C1orf74: variants seen among roughly 807,000 people sequenced by gnomAD.
The protein encoded by C1orf74 is UPF0739 protein C1orf74.
C1orf74 carries 5 observed loss-of-function variants against 7.3 expected under a neutral mutation model. That is an observed-to-expected ratio of 0.68 (90% confidence interval 0.36 to 1.44). The LOEUF (loss-of-function observed/expected upper bound fraction) is 1.44, where lower values mean the gene tolerates loss of function less well. Among genes scored for constraint, C1orf74 ranks in the 40% most tolerant of loss-of-function variants. The pLI, the probability that C1orf74 is intolerant of heterozygous loss-of-function variation, is 0.04. For synonymous variants in C1orf74, 121 were observed against 132.5 expected (o/e 0.91, Z 0.59); for missense variants, 291 against 314.3 (o/e 0.93, Z 0.56).
Position 209,779,747 on chromosome 1 carries a change from T to A in C1orf74, c.*3078A>T, listed in dbSNP as rs912789582. On this transcript the variant is annotated 3_prime_UTR_variant, in exon 2 of 2. Transcript: ENST00000294811. ...ATAGCAGTCCAGAGTCAACTCACTG[T>A]TAGCCCTAGAGAGTCTACTGTCCAT... 1.8e-5 allele frequency: 10 copies of A among 554,716 alleles called. No individual in the cohort carries two copies. The highest frequency in any genetic ancestry group is 3.8e-5 in the African/African-American group (2 of 53,036). The allele number at this position is 554,716 out of a possible 1,614,324, so 34.4% of individuals were successfully genotyped here.
At position 209,779,269 on chromosome 1, in the gene C1orf74, G is replaced by A; in HGVS notation, c.*3556C>T. 1.3e-6 allele frequency: 2 copies of A among 1,552,050 alleles called. No individual in the cohort carries two copies. Among genetic ancestry groups the A allele is most frequent in the East Asian group, 2.2e-5 (1 of 44,554 alleles). On this transcript the variant is annotated 3_prime_UTR_variant, in exon 2 of 2. Coordinates refer to ENST00000294811, the MANE Select transcript of C1orf74 (RefSeq NM_152485.4). The stretch of plus-strand genomic sequence containing the variant: ...CAAAGTTCTGAAAAGAAAACTTTTT[G>A]TAGTAAATATGCTAGCATAGACAAG...
In C1orf74 at chr1:209,780,861, T is replaced by A. The variant is rs1020916594; in HGVS notation, c.*1964A>T. 4 of 249,146 alleles carry A rather than the reference T, an allele frequency of 1.6e-5. No homozygotes were observed. In the South Asian group the frequency reaches 4.0e-4, roughly 25 times the overall value. 15.4% of individuals were successfully genotyped at this position (249,146 alleles called of 1,614,324 possible). On this transcript the variant is annotated 3_prime_UTR_variant, in exon 2 of 2. Coordinates refer to ENST00000294811, the MANE Select transcript of C1orf74 (RefSeq NM_152485.4). ...TCGACCAAAACTCAAACACATTTAA[T>A]AAAAATATTAACTTCTCAATATGTC...
chr1:209,781,997 C>A lies in C1orf74; in HGVS notation c.*828G>T. The stretch of plus-strand genomic sequence containing the variant: ...AGAGTAGGAAGAAGAAAGATTTTTG[C>A]CTATATCTTTTCCAATCCACTCATG... On this transcript the variant is annotated 3_prime_UTR_variant, in exon 2 of 2. Transcript: ENST00000294811. 7.2e-7 allele frequency: 1 copy of A among 1,398,244 alleles called. No homozygotes were observed. The highest frequency in any genetic ancestry group is 1.0e-6 in the Non-Finnish European group (1 of 984,444). 86.6% of individuals were successfully genotyped at this position (1,398,244 alleles called of 1,614,324 possible). A position where few individuals can be genotyped will look rare whatever the true frequency, so the allele number is the denominator to read the frequency against.
chr1:209,782,887 T>G lies in C1orf74; in HGVS notation c.748A>C (p.Asn250His). The change falls in exon 2 of 2, where the codon AAT (asparagine) becomes CAT (histidine). Residue 250 changes from asparagine to histidine, a missense_variant. Physicochemically the swap from Asn to His is moderately conservative, Grantham distance 68. Transcript: ENST00000294811. ...KDLRTRFRTQ[N>H]DFADLSISSE... ...GAGATGCTGAGATCAGCAAAGTCAT[T>G]CTGAGTCCTAAATCGGGTTCTGAGG... 6.2e-7 allele frequency: 1 copy of G among 1,614,148 alleles called. No individual in the cohort carries two copies. Among genetic ancestry groups the G allele is most frequent in the Non-Finnish European group, 8.5e-7 (1 of 1,180,020 alleles).
Position 209,783,620 on chromosome 1 carries a change from A to G in C1orf74, c.15T>C (p.Asp5=). Residue 5 remains aspartate (D), a synonymous_variant, in exon 2 of 2, where the codon GAT becomes GAC. Transcript: ENST00000294811. ...GCTGAGGGCTCGGTGATGACATGAG[A>G]TCTAGAAGCAACATCAAGAATGGCC... is the stretch of plus-strand genomic sequence containing the variant. MLLL[D]LMSSPSPQLL... is the part of the protein sequence containing the mutation. 1.9e-6 allele frequency: 3 copies of G among 1,584,764 alleles called. No homozygotes were observed. Among genetic ancestry groups the G allele is most frequent in the Non-Finnish European group, 2.6e-6 (3 of 1,165,968 alleles).
Position 209,782,954 on chromosome 1 carries a change from C to T in C1orf74, c.681G>A (p.Leu227=). The change falls in exon 2 of 2, where the codon TTG becomes TTA. Residue 227 remains leucine (L), a synonymous_variant. Transcript: ENST00000294811. ...TTAGAATGTCCCTCAGGCCTGGGAA[C>T]AAACTCTCTGGGACACTAAAAGAAT... ...LLYSFSVPES[L]FPGLRDILNT... The T allele has an allele frequency of 6.2e-7, 1 of 1,614,184 alleles. No homozygotes were observed. Among genetic ancestry groups the T allele is most frequent in the Non-Finnish European group, 8.5e-7 (1 of 1,180,044 alleles).
At chr1:209,784,013 T>C (rs1439974682) in intron 1 of C1orf74, among the ~76,000 whole-genome samples, 1 of 152,188 alleles carries the variant, frequency 6.6e-6, no homozygotes, top group East Asian at 1.9e-4. Flanking sequence ...GGCGGGGCAG[T>C]GTTTGGCAAA....
chr1:209,780,500 C>T lies in C1orf74; in HGVS notation c.*2325G>A. On this transcript the variant is annotated 3_prime_UTR_variant, in exon 2 of 2. Coordinates refer to ENST00000294811, the MANE Select transcript of C1orf74 (RefSeq NM_152485.4). ...GCTTTGCCCGTGTGGAGTCCAAAGT[C>T]CTTCCCTAACGAAGTGGAGCCTGAG... The T allele has an allele frequency of 6.2e-7, 1 of 1,600,280 alleles. No homozygotes were observed. The highest frequency in any genetic ancestry group is 8.5e-7 in the Non-Finnish European group (1 of 1,172,980).
At position 209,781,465 on chromosome 1, in the gene C1orf74, G is replaced by A; in HGVS notation, c.*1360C>T. On this transcript the variant is annotated 3_prime_UTR_variant, in exon 2 of 2. Coordinates refer to ENST00000294811, the MANE Select transcript of C1orf74 (RefSeq NM_152485.4). ...CCAGCAGCTGCCTCCCAGAGTAAGA[G>A]GGTCTCTCCTTCCCATAAAGCCCTG... 10 of 1,603,096 alleles carry A rather than the reference G, an allele frequency of 6.2e-6. No homozygotes were observed. The highest frequency in any genetic ancestry group is 8.5e-6 in the Non-Finnish European group (10 of 1,170,432).
rs757035804 is a variant in C1orf74 at position 209,780,682 on chromosome 1, G to C, written c.*2143C>G. The C allele has an allele frequency of 1.9e-5, 26 of 1,360,510 alleles. No individual in the cohort carries two copies. The highest frequency in any genetic ancestry group is 2.5e-5 in the Non-Finnish European group (26 of 1,031,630). 84.3% of individuals were successfully genotyped at this position (1,360,510 alleles called of 1,614,324 possible). A position where few individuals can be genotyped will look rare whatever the true frequency, so the allele number is the denominator to read the frequency against. ...AACCTGGGAGGCAGTCAAAAAGCAG[G>C]GATTTCAAAGTTTAAGTTGTGAGTG... On this transcript the variant is annotated 3_prime_UTR_variant, in exon 2 of 2. Transcript: ENST00000294811.
rs2077773188 is a variant in C1orf74 at position 209,781,288 on chromosome 1, C to T, written c.*1537G>A. On this transcript the variant is annotated 3_prime_UTR_variant, in exon 2 of 2. Transcript: ENST00000294811. ...AACTTACAAAGGGCAGTCTCCCCTGCCTGGGCTCTGTCCTAGACAGAAGTG... is the reference window on the plus strand; with the variant it reads ...AACTTACAAAGGGCAGTCTCCCCTGTCTGGGCTCTGTCCTAGACAGAAGTG... The T allele has an allele frequency of 2.9e-5, 36 of 1,239,474 alleles. 1 individual carries two copies. In the South Asian group the frequency reaches 4.5e-4, roughly 15 times the overall value. 76.8% of individuals were successfully genotyped at this position (1,239,474 alleles called of 1,614,324 possible).
chr1:209,781,602 A>G lies in C1orf74; in HGVS notation c.*1223T>C. 1 of 555,186 alleles carries G rather than the reference A, an allele frequency of 1.8e-6. No homozygotes were observed. Among genetic ancestry groups the G allele is most frequent in the South Asian group, 2.3e-5 (1 of 44,190 alleles). 34.4% of individuals were successfully genotyped at this position (555,186 alleles called of 1,614,324 possible). A position where few individuals can be genotyped will look rare whatever the true frequency, so the allele number is the denominator to read the frequency against. ...GCTTGGTTTATACTATACTGACATT[A>G]TGGCAACCATTGAAAAAAACACTGG... On this transcript the variant is annotated 3_prime_UTR_variant, in exon 2 of 2. Transcript: ENST00000294811.
chr1:209,781,677 A>G lies in C1orf74; in HGVS notation c.*1148T>C, dbSNP rs566386963. On this transcript the variant is annotated 3_prime_UTR_variant, in exon 2 of 2. Coordinates refer to ENST00000294811, the MANE Select transcript of C1orf74 (RefSeq NM_152485.4). ...ACAGAACTCTCAATGCCAGAAGGAAAGACTTACTCTTAGCTAAAGTATGAA... is the reference window on the plus strand; with the variant it reads ...ACAGAACTCTCAATGCCAGAAGGAAGGACTTACTCTTAGCTAAAGTATGAA... 2.0e-6 allele frequency: 1 copy of G among 507,290 alleles called. No homozygotes were observed. The highest frequency in any genetic ancestry group is 2.4e-5 in the South Asian group (1 of 42,066). 31.4% of individuals were successfully genotyped at this position (507,290 alleles called of 1,614,324 possible).
In C1orf74 at chr1:209,781,243, T is replaced by G. The variant is rs1571970960; in HGVS notation, c.*1582A>C. The G allele has an allele frequency of 1.4e-6, 1 of 708,826 alleles. No individual in the cohort carries two copies. Among genetic ancestry groups the G allele is most frequent in the Non-Finnish European group, 2.5e-6 (1 of 404,656 alleles). 43.9% of individuals were successfully genotyped at this position (708,826 alleles called of 1,614,324 possible). A position where few individuals can be genotyped will look rare whatever the true frequency, so the allele number is the denominator to read the frequency against. ...AATGGCTGGGAAGGGAAGATGGTGGTAAAAATTCCAAATGAGTGAAACTTA... is the reference window on the plus strand; with the variant it reads ...AATGGCTGGGAAGGGAAGATGGTGGGAAAAATTCCAAATGAGTGAAACTTA... On this transcript the variant is annotated 3_prime_UTR_variant, in exon 2 of 2. Coordinates refer to ENST00000294811, the MANE Select transcript of C1orf74 (RefSeq NM_152485.4).
chr1:209,779,240 T>C lies in C1orf74; in HGVS notation c.*3585A>G, dbSNP rs777615372. ...GGAACATATTTAATAACCAAGGTTC[T>C]AAGCAAAGTTCTGAAAAGAAAACTT... On this transcript the variant is annotated 3_prime_UTR_variant, in exon 2 of 2. Coordinates refer to ENST00000294811, the MANE Select transcript of C1orf74 (RefSeq NM_152485.4). 3.9e-4 allele frequency: 487 copies of C among 1,253,384 alleles called. No individual in the cohort carries two copies. The highest frequency in any genetic ancestry group is 5.0e-4 in the Non-Finnish European group (434 of 870,172). 77.6% of individuals were successfully genotyped at this position (1,253,384 alleles called of 1,614,324 possible).
Position 209,781,063 on chromosome 1 carries a change from G to A in C1orf74, c.*1762C>T, listed in dbSNP as rs2077767935. 4 of 223,660 alleles carry A rather than the reference G, an allele frequency of 1.8e-5. No individual in the cohort carries two copies. Among genetic ancestry groups the A allele is most frequent in the Non-Finnish European group, 3.6e-5 (4 of 111,378 alleles). The allele number at this position is 223,660 out of a possible 1,614,324, so 13.9% of individuals were successfully genotyped here. A position where few individuals can be genotyped will look rare whatever the true frequency, so the allele number is the denominator to read the frequency against. The stretch of plus-strand genomic sequence containing the variant: ...TTGTTCTATAAGAACTTCATTTTTC[G>A]GTGTCTCTCATTTGCAAAGCACTTG... On this transcript the variant is annotated 3_prime_UTR_variant, in exon 2 of 2. Coordinates refer to ENST00000294811, the MANE Select transcript of C1orf74 (RefSeq NM_152485.4).
Position 209,782,126 on chromosome 1 carries a change from A to G in C1orf74, c.*699T>C, listed in dbSNP as rs764768391. 12 of 1,614,038 alleles carry G rather than the reference A, an allele frequency of 7.4e-6. No homozygotes were observed. Among genetic ancestry groups the G allele is most frequent in the Non-Finnish European group, 9.3e-6 (11 of 1,179,982 alleles). The stretch of plus-strand genomic sequence containing the variant: ...GCAGCACTGGCAGTGTTCCTGGCCA[A>G]TAAAGACAACCTGATGATCTGAATA... On this transcript the variant is annotated 3_prime_UTR_variant, in exon 2 of 2. Transcript: ENST00000294811.
At position 209,783,308 on chromosome 1, in the gene C1orf74, A is replaced by G. The variant is rs2077810127; in HGVS notation, c.327T>C (p.Leu109=). The part of the protein sequence containing the change: ...HVCQHLEQVL[L]GTIAFVDVSS... ...AAACATCCACAAAGGCTATGGTACC[A>G]AGCAGCACCTGCTCCAAGTGCTGAC... The change falls in exon 2 of 2, where the codon CTT becomes CTC. Residue 109 remains leucine, a synonymous_variant. Coordinates refer to ENST00000294811, the MANE Select transcript of C1orf74 (RefSeq NM_152485.4). The G allele has an allele frequency of 6.2e-7, 1 of 1,614,060 alleles. No individual in the cohort carries two copies. Among genetic ancestry groups the G allele is most frequent in the South Asian group, 1.1e-5 (1 of 91,084 alleles).
At position 209,782,638 on chromosome 1, in the gene C1orf74, A is replaced by T; in HGVS notation, c.*187T>A. 1 of 634,352 alleles carries T rather than the reference A, an allele frequency of 1.6e-6. No individual in the cohort carries two copies. The highest frequency in any genetic ancestry group is 2.7e-6 in the Non-Finnish European group (1 of 363,654). The allele number at this position is 634,352 out of a possible 1,614,324, so 39.3% of individuals were successfully genotyped here. ...TAGAAATGGCAAGTATGTACTATCT[A>T]CCAATTTGCTACTAGCACCACCATT... On this transcript the variant is annotated 3_prime_UTR_variant, in exon 2 of 2. Coordinates refer to ENST00000294811, the MANE Select transcript of C1orf74 (RefSeq NM_152485.4).
Sources: gnomAD v4.1 joint callset for allele counts (sites outside exome capture counted in the v4.1 genomes callset) on GRCh38, gnomAD v4.1.1 for gene constraint, MANE v1.5 for transcripts, NCBI Gene and HGNC (gene_info 2026-07-23, HGNC 2026-07-21) for gene names.